Variants in CNTNAP4 observed in about 807,000 individuals in gnomAD.
CNTNAP4 encodes contactin associated protein family member 4.
Under a neutral mutation model 148.4 loss-of-function variants are expected in CNTNAP4, and 98 were observed. That is an observed-to-expected ratio of 0.66 (90% confidence interval 0.56 to 0.78). The LOEUF is 0.78. CNTNAP4 is among the 30% of genes least tolerant of loss of function. The pLI, the probability that CNTNAP4 is intolerant of heterozygous loss-of-function variation, is 0.00. For missense variants in CNTNAP4, 1,935 were observed against 1,565.6 expected (o/e 1.24, Z -3.98); for synonymous variants, 730 against 565.1 (o/e 1.29, Z -4.14).
At chr16:76,343,188 A>G (rs1223750335) in intron 2 of CNTNAP4, among the ~76,000 whole-genome samples, 3 of 151,488 alleles carry the variant, frequency 2.0e-5, no homozygotes, top group Non-Finnish European at 4.4e-5. Context: ...CTTTATTATG[A>G]CTCAGTGGAT....
At chr16:76,351,083 G>C (rs2011668218) in intron 2 of CNTNAP4, among the ~76,000 whole-genome samples, 1 of 152,100 alleles carries the variant, frequency 6.6e-6, no homozygotes, top group African/African-American at 2.4e-5. Flanking sequence ...TGGTTTCTTA[G>C]GATATTGAAT....
chr16:76,395,497 C>T (rs925457733), intron 3 of CNTNAP4, among the ~76,000 whole-genome samples: 2 of 152,032 alleles, frequency 1.3e-5, no homozygotes, highest in African/African-American at 2.4e-5. Flanking sequence ...AACTCCTGAC[C>T]TTGTGATCCA....
At chr16:76,409,088 T>A (rs1316120660) in intron 3 of CNTNAP4, among the ~76,000 whole-genome samples, 3 of 152,046 alleles carry the variant, frequency 2.0e-5, no homozygotes, top group Non-Finnish European at 4.4e-5. Flanking sequence ...AAAGGAAAAT[T>A]TGAATGTATG....
chr16:76,365,783 A>G (rs1460388721), intron 3 of CNTNAP4, among the ~76,000 whole-genome samples: 2 of 151,630 alleles, frequency 1.3e-5, no homozygotes, highest in African/African-American at 2.4e-5. Context: ...TAAGAGAATC[A>G]TCTGGGTAAT....
intron 3 of CNTNAP4, among the ~76,000 whole-genome samples, chr16:76,382,816 C>T (rs2016121833): frequency 1.3e-5 from 2 of 152,122 alleles, no homozygotes; most frequent in South Asian, 4.2e-4. Context: ...CCAAACTGAG[C>T]CATCAAATAT....
At chr16:76,511,055 G>A (rs144640065) in intron 15 of CNTNAP4, among the ~76,000 whole-genome samples, 1 of 152,138 alleles carries the variant, frequency 6.6e-6, no homozygotes, top group Admixed American at 6.5e-5. Context: ...GTGATAAAAG[G>A]TATATACACA....
chr16:76,408,924 A>G (rs1272994448), intron 3 of CNTNAP4, among the ~76,000 whole-genome samples: 1 of 152,038 alleles, frequency 6.6e-6, no homozygotes, highest in Non-Finnish European at 1.5e-5. Flanking sequence ...CTGAAGGTAC[A>G]TATATTCAGA....
chr16:76,450,008 G>T, intron 7 of CNTNAP4, 150 bp downstream of exon 7: 2 of 617,458 alleles, frequency 3.2e-6, no homozygotes, highest in Non-Finnish European at 5.3e-6. Flanking sequence ...GCATATAAAA[G>T]ATTGGTTCTA....
chr16:76,296,256 G>A (rs1368846605), intron 1 of CNTNAP4, among the ~76,000 whole-genome samples: 2 of 152,100 alleles, frequency 1.3e-5, no homozygotes, highest in African/African-American at 2.4e-5. Context: ...AGGTTTCATA[G>A]GTGATTCTTC....
intron 3 of CNTNAP4, among the ~76,000 whole-genome samples, chr16:76,398,018 T>C (rs1457390133): frequency 1.9e-4 from 22 of 114,996 alleles, no homozygotes; most frequent in Non-Finnish European, 3.5e-4. Context: ...TATTAAGGAG[T>C]ATTGACTCAC....
intron 1 of CNTNAP4, among the ~76,000 whole-genome samples, chr16:76,308,115 G>T (rs549112321): frequency 9.0e-6 from 1 of 111,326 alleles, no homozygotes; most frequent in Non-Finnish European, 1.9e-5. Context: ...GTTTTAAATT[G>T]CAGGAACATT....
rs572081700 is a variant in CNTNAP4 at position 76,299,765 on chromosome 16, A to T, written c.86-16648A>T. Among the ~76,000 whole-genome samples, 857 of 152,318 alleles carry T rather than the reference A, an allele frequency of 5.6e-3. 8 individuals are homozygous for T. Among genetic ancestry groups the T allele is most frequent in the African/African-American group, 0.02 (835 of 41,570 alleles). On this transcript the variant is annotated intron_variant, in intron 1 of 23. Transcript: ENST00000611870. ...CAGGCCAAATGTCCAACAATGATAG[A>T]CTGGATTAAGAAAATGTGGCACATA...
At chr16:76,547,031 G>A (rs1362941930) in intron 21 of CNTNAP4, among the ~76,000 whole-genome samples, 2 of 152,068 alleles carry the variant, frequency 1.3e-5, no homozygotes, top group African/African-American at 4.8e-5. Flanking sequence ...ATTTCTTTCT[G>A]GTCTTCCCTG....
At chr16:76,480,484 G>A (rs147662630) in intron 12 of CNTNAP4, among the ~76,000 whole-genome samples, 132 of 152,174 alleles carry the variant, frequency 8.7e-4, no homozygotes, top group African/African-American at 2.7e-3. Flanking sequence ...CATTGATCAC[G>A]CCTGTAATCC....
At chr16:76,526,286 T>C (rs933145355) in intron 17 of CNTNAP4, among the ~76,000 whole-genome samples, 1 of 151,904 alleles carries the variant, frequency 6.6e-6, no homozygotes, top group Non-Finnish European at 1.5e-5. Context: ...AAAAAAACAA[T>C]GTGGCTGGAA....
chr16:76,291,759 G>A (rs1356838794), intron 1 of CNTNAP4, among the ~76,000 whole-genome samples: 1 of 152,188 alleles, frequency 6.6e-6, no homozygotes, highest in Non-Finnish European at 1.5e-5. Flanking sequence ...TTTCTAGTAA[G>A]TTTTGAAAAG....
chr16:76,325,611 G>C (rs946270637), intron 2 of CNTNAP4, among the ~76,000 whole-genome samples: 4 of 152,078 alleles, frequency 2.6e-5, no homozygotes, highest in African/African-American at 9.7e-5. Flanking sequence ...CTGCAAATCA[G>C]AATTGTGAGA....
chr16:76,406,344 C>A (rs969604436), intron 3 of CNTNAP4, among the ~76,000 whole-genome samples: 1 of 151,980 alleles, frequency 6.6e-6, no homozygotes, highest in African/African-American at 2.4e-5. Context: ...ACTGGCTGTT[C>A]CCGCATCTCT....
chr16:76,368,797 T>A (rs962607216), intron 3 of CNTNAP4, among the ~76,000 whole-genome samples: 1 of 152,118 alleles, frequency 6.6e-6, no homozygotes, highest in Non-Finnish European at 1.5e-5. Context: ...ATCCTGCACG[T>A]GTATCCCAGA....
Sources: allele counts gnomAD v4.1 joint callset (sites outside exome capture counted in the v4.1 genomes callset), GRCh38; gene constraint gnomAD v4.1.1; transcripts MANE v1.5; gene names NCBI Gene and HGNC (gene_info 2026-07-23, HGNC 2026-07-21).